Variants in CPPED1 observed in about 807,000 individuals in gnomAD.
The protein encoded by CPPED1 is serine/threonine-protein phosphatase CPPED1.
CPPED1 carries 28 observed loss-of-function variants against 28.0 expected under a neutral mutation model. That is an observed-to-expected ratio of 1.00 (90% confidence interval 0.74 to 1.37). The LOEUF (loss-of-function observed/expected upper bound fraction) is 1.37. Ranked by LOEUF, CPPED1 falls within the 40% of genes most tolerant of loss-of-function variation. The pLI is 0.00. For synonymous variants in CPPED1, 198 were observed against 180.2 expected, an observed-to-expected ratio of 1.10 and a Z score of -0.79; for missense variants, 504 against 416.5, an observed-to-expected ratio of 1.21 and a Z score of -1.83.
intron 3 of CPPED1, among the ~76,000 whole-genome samples, chr16:12,686,227 G>GTATATATA (rs149918404): frequency 5.6e-5 from 7 of 125,400 alleles, no homozygotes; most frequent in Admixed American, 2.1e-4. Context: ...TTTATTAATT[G>GTATATATA]TATATATATA....
At chr16:12,707,038 G>A (rs77139365) in intron 2 of CPPED1, among the ~76,000 whole-genome samples, 5,229 of 152,244 alleles carry the variant, frequency 0.034, 293 homozygotes, top group African/African-American at 0.12. Context: ...TTCTTTAGCC[G>A]AACCCGGACT....
intron 3 of CPPED1, among the ~76,000 whole-genome samples, chr16:12,675,236 C>T (rs1346530791): frequency 6.6e-6 from 1 of 152,228 alleles, no homozygotes; most frequent in African/African-American, 2.4e-5. Flanking sequence ...GCCTGGGCAT[C>T]AGTCATCTGT....
chr16:12,705,697 G>A (rs1190417168), intron 2 of CPPED1, among the ~76,000 whole-genome samples: 3 of 152,208 alleles, frequency 2.0e-5, no homozygotes, highest in Non-Finnish European at 4.4e-5. Flanking sequence ...GGCAGAGGTT[G>A]CAGTAAGCCA....
At chr16:12,744,294 G>GGA (rs199563639) in intron 2 of CPPED1, among the ~76,000 whole-genome samples, 2 of 76,366 alleles carry the variant, frequency 2.6e-5, no homozygotes, top group Non-Finnish European at 6.5e-5. Flanking sequence ...GAGAGAGAGA[G>GGA]AGAAAGCAAG....
chr16:12,779,930 C>T (rs768267096), intron 2 of CPPED1, among the ~76,000 whole-genome samples: 15 of 152,128 alleles, frequency 9.9e-5, no homozygotes, highest in Non-Finnish European at 1.5e-5. Context: ...GAGCACTCTC[C>T]GTTTGCTTAT....
chr16:12,692,433 C>A (rs2079968479), intron 3 of CPPED1, among the ~76,000 whole-genome samples: 1 of 152,156 alleles, frequency 6.6e-6, no homozygotes, highest in Non-Finnish European at 1.5e-5. Context: ...TTTCAATAAC[C>A]ATGATGATAA....
intron 2 of CPPED1, among the ~76,000 whole-genome samples, chr16:12,780,266 G>A (rs761107981): frequency 6.6e-6 from 1 of 152,000 alleles, no homozygotes; most frequent in Non-Finnish European, 1.5e-5. Flanking sequence ...TGCAACCTCC[G>A]CCTCCTGGGT....
At chr16:12,735,281 C>T (rs552504013) in intron 2 of CPPED1, among the ~76,000 whole-genome samples, 2 of 152,242 alleles carry the variant, frequency 1.3e-5, no homozygotes, top group South Asian at 2.1e-4. Context: ...ATCCAATGGC[C>T]CCTTCCCCAA....
rs2080066113 is a variant in CPPED1 at position 12,709,030 on chromosome 16, A to G, written c.290-3981T>C. 6.6e-6 allele frequency among the ~76,000 whole-genome samples: 1 copy of G among 152,244 alleles called. No individual in the cohort carries two copies. Among genetic ancestry groups the G allele is most frequent in the Non-Finnish European group, 1.5e-5 (1 of 68,040 alleles). ...GGGAGGCAGAGGTTGCAGTGAGCCAATATCGCACTATTGCATTCCAGCCTG... is the reference window on the plus strand; with the variant it reads ...GGGAGGCAGAGGTTGCAGTGAGCCAGTATCGCACTATTGCATTCCAGCCTG... On this transcript the variant is annotated intron_variant, in intron 2 of 3. Coordinates refer to ENST00000381774, the MANE Select transcript of CPPED1 (RefSeq NM_018340.3). This position sits in a 1 kb window ranked among gnomAD's most constrained non-coding sequence, Gnocchi z 4.4.
At chr16:12,754,578 C>T (rs1171363872) in intron 2 of CPPED1, among the ~76,000 whole-genome samples, 1 of 152,208 alleles carries the variant, frequency 6.6e-6, no homozygotes, top group East Asian at 1.9e-4. Context: ...CTCTAAGGTC[C>T]TCCTGCATAG....
intron 2 of CPPED1, chr16:12,760,469 G>C (rs757952391): frequency 1.3e-5 from 2 of 152,254 alleles, no homozygotes; most frequent in Admixed American, 6.5e-5. Flanking sequence ...CTGGAATCCG[G>C]GGACTGCTGT....
At chr16:12,706,568 A>C (rs540115288) in intron 2 of CPPED1, among the ~76,000 whole-genome samples, 2 of 151,376 alleles carry the variant, frequency 1.3e-5, no homozygotes, top group South Asian at 2.1e-4. Context: ...AAAAAAAAAA[A>C]AAAAAAAACT....
At chr16:12,754,047 G>A (rs2080348595) in intron 2 of CPPED1, 2 of 152,170 alleles carry the variant, frequency 1.3e-5, no homozygotes, top group Non-Finnish European at 2.9e-5. Context: ...AGCCCTCTGA[G>A]GCTCTGCACG....
intron 3 of CPPED1, among the ~76,000 whole-genome samples, chr16:12,686,156 G>C (rs1176308026): frequency 6.6e-6 from 1 of 152,008 alleles, no homozygotes; most frequent in Non-Finnish European, 1.5e-5. Context: ...TCCTATACTT[G>C]TTAGAACAGT....
intron 3 of CPPED1, among the ~76,000 whole-genome samples, chr16:12,673,858 G>C (rs1199573420): frequency 2.6e-5 from 4 of 152,054 alleles, no homozygotes; most frequent in Non-Finnish European, 4.4e-5. Context: ...ACCAGCCTCG[G>C]CAACATCATA....
intron 2 of CPPED1, among the ~76,000 whole-genome samples, chr16:12,773,299 C>T (rs1214676148): frequency 1.3e-5 from 2 of 152,186 alleles, no homozygotes; most frequent in Non-Finnish European, 2.9e-5. Flanking sequence ...AAACTTAAAG[C>T]ATTTCCCTTT....
At position 12,670,077 on chromosome 16, in the gene CPPED1, T is replaced by C. The variant is rs992663660; in HGVS notation, c.716-4962A>G. 6.6e-6 allele frequency among the ~76,000 whole-genome samples: 1 copy of C among 152,154 alleles called. No homozygotes were observed. Among genetic ancestry groups the C allele is most frequent in the Non-Finnish European group, 1.5e-5 (1 of 68,026 alleles). The stretch of plus-strand genomic sequence containing the variant: ...ACTTTGGGAGGCCAAGGTGAGAGGA[T>C]CGCTTGAGGCCAGGAGTTCGACCAG... On this transcript the variant is annotated intron_variant, in intron 3 of 3. Coordinates refer to ENST00000381774, the MANE Select transcript of CPPED1 (RefSeq NM_018340.3). The surrounding 1 kb of genome is among the most constrained non-coding windows in gnomAD (Gnocchi z 4.2).
intron 1 of CPPED1, among the ~76,000 whole-genome samples, chr16:12,789,716 G>A (rs1213941094): frequency 6.6e-6 from 1 of 151,964 alleles, no homozygotes; most frequent in Non-Finnish European, 1.5e-5. Flanking sequence ...TGGTAGAGAC[G>A]GGGTTTTACC....
At position 12,682,540 on chromosome 16, in the gene CPPED1, T is replaced by C. The variant is rs1415600977; in HGVS notation, c.716-17425A>G. Among the ~76,000 whole-genome samples the C allele has an allele frequency of 2.0e-5, 3 of 152,160 alleles. No individual in the cohort carries two copies. The highest frequency in any genetic ancestry group is 7.2e-5 in the African/African-American group (3 of 41,414). On this transcript the variant is annotated intron_variant, in intron 3 of 3. Coordinates refer to ENST00000381774, the MANE Select transcript of CPPED1 (RefSeq NM_018340.3). This position sits in a 1 kb window ranked among gnomAD's most constrained non-coding sequence, Gnocchi z 6.1. ...TCAGGCGTGAACCTCAGTTCTGCTG[T>C]TGCTGAGCTGTGTAGGTGTGGCATG...
Sources: allele counts gnomAD v4.1 joint callset (sites outside exome capture counted in the v4.1 genomes callset), GRCh38; gene constraint gnomAD v4.1.1; non-coding constraint Gnocchi (gnomAD v3.1); transcripts MANE v1.5; gene names NCBI Gene and HGNC (gene_info 2026-07-23, HGNC 2026-07-21).